ADGRL2: variants seen among roughly 807,000 people sequenced by gnomAD.
ADGRL2 encodes the protein calcium-independent alpha-latrotoxin receptor 2.
In ADGRL2, 44 loss-of-function variants were observed where a neutral mutation model predicts 157.4. That is an observed-to-expected ratio of 0.28 (90% CI 0.22 to 0.36). The LOEUF (loss-of-function observed/expected upper bound fraction) is 0.36. Among genes scored for constraint, ADGRL2 ranks in the 10% least tolerant of loss-of-function variants. The pLI is 1.00. For synonymous variants in ADGRL2, 585 were observed against 624.7 expected (o/e 0.94, Z 0.95); for missense variants, 1,510 against 1,768.9 (o/e 0.85, Z 2.63).
intron 3 of ADGRL2, among the ~76,000 whole-genome samples, chr1:81,613,538 A>G (rs1271508074): frequency 6.6e-6 from 1 of 152,220 alleles, no homozygotes; most frequent in Non-Finnish European, 1.5e-5. Context: ...TTCAGCCTGC[A>G]AGCAATGAAG....
At chr1:81,347,457 C>T (rs1662564428) in intron 1 of ADGRL2, among the ~76,000 whole-genome samples, 1 of 151,770 alleles carries the variant, frequency 6.6e-6, no homozygotes, top group African/African-American at 2.4e-5. Context: ...TTATTGGAAA[C>T]CAGAGAAAAG....
chr1:81,751,455 A>G (rs930428463), intron 1 of ADGRL2, among the ~76,000 whole-genome samples: 4 of 152,058 alleles, frequency 2.6e-5, no homozygotes, highest in African/African-American at 9.7e-5. Context: ...ATGAGAAAAC[A>G]AAAGAGAAAC....
Position 81,990,930 on chromosome 1 carries a change from G to C in ADGRL2, c.4195G>C (p.Asp1399His). The change falls in exon 24 of 24, where the codon GAC becomes CAC. Residue 1399 changes from aspartate to histidine, a missense_variant. Physicochemically the swap from Asp to His is moderately conservative, Grantham distance 81. Around this residue, in one of 4 missense-constraint regions of ADGRL2, gnomAD observed 327 missense variants for 310.1 expected, o/e 1.05. Coordinates refer to ENST00000686636, the MANE Select transcript of ADGRL2 (RefSeq NM_001366006.2). ...RDSPYPESSP[D>H]MEEDLSPSRR... ...CTCTCCCTATCCGGAGAGCAGCCCT[G>C]ACATGGAAGAAGACCTCTCTCCCTC... The C allele has an allele frequency of 6.2e-7, 1 of 1,614,070 alleles. No homozygotes were observed. Among genetic ancestry groups the C allele is most frequent in the Non-Finnish European group, 8.5e-7 (1 of 1,179,998 alleles).
At chr1:81,306,800 C>T (rs12131651) in intron 1 of ADGRL2, among the ~76,000 whole-genome samples, 64,323 of 151,918 alleles carry the variant, frequency 0.42, 14,388 homozygotes, top group Middle Eastern at 0.51. Context: ...CTTAGAAAAA[C>T]ATTAATTTCT....
intron 1 of ADGRL2, among the ~76,000 whole-genome samples, chr1:81,812,806 G>A (rs771294775): frequency 6.6e-6 from 1 of 151,670 alleles, no homozygotes; most frequent in Non-Finnish European, 1.5e-5. Context: ...ATGGACATGA[G>A]TTCAATGACA....
At chr1:81,627,322 C>T (rs1369389760) in intron 3 of ADGRL2, among the ~76,000 whole-genome samples, 1 of 152,060 alleles carries the variant, frequency 6.6e-6, no homozygotes, top group African/African-American at 2.4e-5. Flanking sequence ...TAAAAGGTTC[C>T]CTGCCCCAGA....
exon 1 of ADGRL2, chr1:81,306,495 A>G: frequency 6.6e-6 from 1 of 151,690 alleles, no homozygotes; most frequent in Non-Finnish European, 1.5e-5. Context: ...ACTTACCTCC[A>G]TCTGTCTTTT....
chr1:81,466,460 CT>C (rs1379659580), intron 2 of ADGRL2, among the ~76,000 whole-genome samples: 14 of 152,142 alleles, frequency 9.2e-5, no homozygotes, highest in African/African-American at 3.1e-4. Flanking sequence ...AGTGACTGCC[CT>C]GCACATATCC....
intron 3 of ADGRL2, among the ~76,000 whole-genome samples, chr1:81,614,972 C>G (rs2148683340): frequency 6.6e-6 from 1 of 152,052 alleles, no homozygotes; most frequent in East Asian, 1.9e-4. Context: ...GAGATCACAC[C>G]ATTGCACTCC....
intron 2 of ADGRL2, among the ~76,000 whole-genome samples, chr1:81,461,537 C>T (rs1244893639): frequency 6.6e-6 from 1 of 152,168 alleles, no homozygotes; most frequent in Non-Finnish European, 1.5e-5. Flanking sequence ...ATTTTAATCT[C>T]AAACTGAGCT....
chr1:81,341,323 T>C (rs1044617650), intron 1 of ADGRL2, among the ~76,000 whole-genome samples: 1 of 152,176 alleles, frequency 6.6e-6, no homozygotes, highest in African/African-American at 2.4e-5. Context: ...GCAGCAAAGA[T>C]AGTTTAAAAG....
At chr1:81,546,126 C>T (rs541217115) in intron 2 of ADGRL2, among the ~76,000 whole-genome samples, 4 of 152,226 alleles carry the variant, frequency 2.6e-5, no homozygotes, top group Middle Eastern at 3.4e-3. Flanking sequence ...CACCACCTGC[C>T]CCTAGAATTG....
At chr1:81,652,490 TA>T (rs2082441637) in intron 3 of ADGRL2, among the ~76,000 whole-genome samples, 2 of 152,108 alleles carry the variant, frequency 1.3e-5, no homozygotes. Flanking sequence ...TGAATAGAAA[TA>T]AAAATCCACT....
rs185011613 is a variant in ADGRL2 at position 81,722,210 on chromosome 1, A to G, written c.-143+22402A>G. 245 of 374,604 alleles carry G rather than the reference A, an allele frequency of 6.5e-4. 1 individual carries two copies. In the East Asian group the frequency reaches 8.3e-3, roughly 13 times the overall value. The allele number at this position is 374,604 out of a possible 1,614,324, so 23.2% of individuals were successfully genotyped here. The stretch of plus-strand genomic sequence containing the variant: ...CGGGAGGCTGAGGCAGGAGAATGGC[A>G]TGAACCCGGGAGGCGGAGCTTGCAG... On this transcript the variant is annotated intron_variant, in intron 1 of 20. Transcript: ENST00000359929.
At chr1:81,722,691 A>G (rs2084373434) in intron 1 of ADGRL2, 5 of 1,130,308 alleles carry the variant, frequency 4.4e-6, no homozygotes. Context: ...AGGAAATTGC[A>G]GAAGAAAGTA....
intron 17 of ADGRL2, among the ~76,000 whole-genome samples, chr1:81,977,461 T>G (rs1191572068): frequency 2.0e-5 from 3 of 151,812 alleles, no homozygotes; most frequent in Admixed American, 1.3e-4. Context: ...TGATTGTATT[T>G]TTATATTGGT....
chr1:81,499,737 A>T (rs1407425585), intron 2 of ADGRL2, among the ~76,000 whole-genome samples: 1 of 152,344 alleles, frequency 6.6e-6, no homozygotes, highest in African/African-American at 2.4e-5. Context: ...TGCTATAAAT[A>T]CATGCAGAAT....
intron 2 of ADGRL2, chr1:81,514,146 TTCTG>T (rs1219584676): frequency 9.5e-6 from 1 of 105,760 alleles, no homozygotes; most frequent in Non-Finnish European, 1.7e-5. Context: ...GACATGGAAT[TTCTG>T]TAGGTTGGGG....
chr1:81,563,226 T>C (rs2080484221), intron 2 of ADGRL2, among the ~76,000 whole-genome samples: 2 of 152,240 alleles, frequency 1.3e-5, no homozygotes, highest in Admixed American at 1.3e-4. Context: ...GGCTTCAATT[T>C]GTAAGGCATT....
Sources: gnomAD v4.1 joint callset for allele counts (sites outside exome capture counted in the v4.1 genomes callset) on GRCh38, gnomAD v4.1.1 for gene constraint, gnomAD v4.1.1 regional missense constraint, MANE v1.5 for transcripts, NCBI Gene and HGNC (gene_info 2026-07-23, HGNC 2026-07-21) for gene names.